Variants in C11orf16 observed in about 807,000 individuals in gnomAD.
The protein encoded by C11orf16 is uncharacterized protein C11orf16.
In C11orf16, 38 loss-of-function variants were observed where a neutral mutation model predicts 45.1. The ratio of observed to expected loss-of-function variants is 0.84; its 90% CI spans 0.65 to 1.10. The LOEUF (loss-of-function observed/expected upper bound fraction) is 1.10. Ranked by LOEUF, C11orf16 falls within the 50% of genes least tolerant of loss-of-function variation. The probability of loss-of-function intolerance (pLI) is 0.00; values close to 1 mark genes in which losing one functional copy is unlikely to be tolerated. For missense variants in C11orf16, 583 were observed against 569.5 expected (o/e 1.02, Z -0.24); for synonymous variants, 221 against 222.0 (o/e 1.00, Z 0.04).
chr11:8,925,833 G>T lies in C11orf16; in HGVS notation c.834C>A (p.Cys278Ter), dbSNP rs540029459. 1.2e-6 allele frequency: 2 copies of T among 1,614,218 alleles called. No homozygotes were observed. The highest frequency in any genetic ancestry group is 1.7e-5 in the Admixed American group (1 of 60,032). ...GCGGGCAGCCACAGAGGCAGCCCTG[G>T]CACAGTAGCTGGCAGCAGGCATGAT... ...CHHHACCQLL[C>*]QGCLCGCPPC... Residue 278 changes from cysteine (C) to a stop codon, truncating the protein, a stop_gained, in exon 5 of 7, where the codon TGC becomes TGA. Transcript: ENST00000326053. LOFTEE classifies it high-confidence loss of function.
chr11:8,924,389 G>T (rs1566111540), intron 5 of C11orf16, among the ~76,000 whole-genome samples: 1 of 152,114 alleles, frequency 6.6e-6, no homozygotes, highest in African/African-American at 2.4e-5. Context: ...AGCCAGGCAT[G>T]GTGGCATGCA....
chr11:8,922,171 C>T (rs2064579810), intron 5 of C11orf16, among the ~76,000 whole-genome samples: 1 of 152,144 alleles, frequency 6.6e-6, no homozygotes, highest in Non-Finnish European at 1.5e-5. Flanking sequence ...TCACTGATAA[C>T]ACAGACCACA....
chr11:8,931,806 A>C (rs534598246), intron 2 of C11orf16, among the ~76,000 whole-genome samples: 3 of 152,168 alleles, frequency 2.0e-5, no homozygotes, highest in Admixed American at 6.5e-5. Flanking sequence ...GATTGTATAC[A>C]GGTGTGAGCC....
chr11:8,929,179 G>A (rs929181499), intron 3 of C11orf16, 198 bp downstream of exon 3: 17 of 550,752 alleles, frequency 3.1e-5, no homozygotes, highest in African/African-American at 1.1e-4. Context: ...AAGCCACTCC[G>A]TTTGTTGCAC....
At chr11:8,930,358 G>A (rs1212527881) in intron 2 of C11orf16, among the ~76,000 whole-genome samples, 17 of 150,364 alleles carry the variant, frequency 1.1e-4, no homozygotes, top group South Asian at 4.2e-4. Context: ...CCCAGGAGGC[G>A]GAGGTTGCAG....
At position 8,932,257 on chromosome 11, in the gene C11orf16, C is replaced by T; in HGVS notation, c.52G>A (p.Ala18Thr). ...RMPLLKYCSV[A>T]TSLKAPGWDG... The stretch of plus-strand genomic sequence containing the variant: ...CAGCCAGGGGCCTTCAGGCTTGTGG[C>T]CACGCTGCAGTATTTGAGCAAAGGC... The change falls in exon 2 of 7, where the codon GCC (alanine) becomes ACC (threonine). Residue 18 changes from alanine (A) to threonine (T), a missense_variant. Coordinates refer to ENST00000326053, the MANE Select transcript of C11orf16 (RefSeq NM_020643.3). 1 of 1,611,344 alleles carries T rather than the reference C, an allele frequency of 6.2e-7. No homozygotes were observed. Among genetic ancestry groups the T allele is most frequent in the Non-Finnish European group, 8.5e-7 (1 of 1,178,992 alleles).
At chr11:8,931,604 G>C (rs1463126718) in intron 2 of C11orf16, among the ~76,000 whole-genome samples, 5 of 152,074 alleles carry the variant, frequency 3.3e-5, no homozygotes, top group Non-Finnish European at 5.9e-5. Flanking sequence ...TGGCCACGCT[G>C]GTCTCGAACT....
At chr11:8,927,196 GAATA>G in intron 3 of C11orf16, 22 bp from the exon 4 acceptor site, 2 of 1,586,688 alleles carry the variant, frequency 1.3e-6, no homozygotes, top group Non-Finnish European at 1.7e-6. Context: ...AAAACACTCA[GAATA>G]AGACCTGGCA....
chr11:8,924,036 G>A (rs536707244), intron 5 of C11orf16, among the ~76,000 whole-genome samples: 20 of 152,152 alleles, frequency 1.3e-4, no homozygotes, highest in Admixed American at 6.5e-4. Context: ...GAGAGTGGAG[G>A]AAGAGCACAG....
intron 2 of C11orf16, 54 bp downstream of exon 2, chr11:8,932,088 A>G: frequency 4.0e-6 from 6 of 1,484,722 alleles, no homozygotes; most frequent in Non-Finnish European, 5.4e-6. Flanking sequence ...ACAGCCAAGA[A>G]CAAAGGAAAA....
chr11:8,920,165 C>T lies in C11orf16; in HGVS notation c.*308G>A. 1 of 358,710 alleles carries T rather than the reference C, an allele frequency of 2.8e-6. No homozygotes were observed. Among genetic ancestry groups the T allele is most frequent in the Non-Finnish European group, 5.0e-6 (1 of 201,094 alleles). 22.2% of individuals were successfully genotyped at this position (358,710 alleles called of 1,614,324 possible). A position where few individuals can be genotyped will look rare whatever the true frequency, so the allele number is the denominator to read the frequency against. ...GGGAAGGTGGCAGAGTGGCTGTGGA[C>T]ACATTTGCCCAAAGCAGGCTGACCC... On this transcript the variant is annotated 3_prime_UTR_variant, in exon 7 of 7. Coordinates refer to ENST00000326053, the MANE Select transcript of C11orf16 (RefSeq NM_020643.3).
At chr11:8,927,944 G>A (rs1443546640) in intron 3 of C11orf16, among the ~76,000 whole-genome samples, 3 of 152,064 alleles carry the variant, frequency 2.0e-5, no homozygotes, top group African/African-American at 7.2e-5. Context: ...AGTTTCGCTC[G>A]TCACCCAGGC....
In C11orf16 at chr11:8,920,263, AC is replaced by A. The variant is rs1589930203; in HGVS notation, c.*209del. The A allele has an allele frequency of 5.2e-5, 22 of 424,318 alleles. No individual in the cohort carries two copies. In the East Asian group the frequency reaches 7.8e-4, roughly 15 times the overall value. 26.3% of individuals were successfully genotyped at this position (424,318 alleles called of 1,614,324 possible). The stretch of plus-strand genomic sequence containing the variant: ...GCAGGGAGCCCCAGGGCAGGATCCC[AC>A]ATTCCTATAGCCCTCACAACAGGTG... On this transcript the variant is annotated 3_prime_UTR_variant, in exon 7 of 7. Transcript: ENST00000326053.
At position 8,926,816 on chromosome 11, in the gene C11orf16, G is replaced by A. The variant is rs879538646; in HGVS notation, c.559+124C>T. 5.8e-6 allele frequency: 4 copies of A among 686,512 alleles called. No individual in the cohort carries two copies. In the African/African-American group the frequency reaches 7.2e-5, roughly 12 times the overall value. The allele number at this position is 686,512 out of a possible 1,614,324, so 42.5% of individuals were successfully genotyped here. A position where few individuals can be genotyped will look rare whatever the true frequency, so the allele number is the denominator to read the frequency against. ...TCAAGATTAAGCAGCAAGCAAGGGG[G>A]AAAAATTCTCTTCTTAATGCCTTAG... is the stretch of plus-strand genomic sequence containing the variant. On this transcript the variant is annotated intron_variant, in intron 4 of 6. Coordinates refer to ENST00000326053, the MANE Select transcript of C11orf16 (RefSeq NM_020643.3).
intron 3 of C11orf16, among the ~76,000 whole-genome samples, chr11:8,927,906 T>C (rs562526319): frequency 6.6e-6 from 1 of 152,184 alleles, no homozygotes; most frequent in Non-Finnish European, 1.5e-5. Flanking sequence ...TACTTGAAAA[T>C]TGACTTTTTT....
Position 8,925,679 on chromosome 11 carries a change from C to T in C11orf16, c.988G>A (p.Ala330Thr), listed in dbSNP as rs201086464. The T allele has an allele frequency of 2.6e-5, 42 of 1,614,256 alleles. No homozygotes were observed. Among genetic ancestry groups the T allele is most frequent in the African/African-American group, 1.3e-4 (10 of 75,070 alleles). Residue 330 changes from alanine (A) to threonine (T), a missense_variant, in exon 5 of 7, where the codon GCT (alanine) becomes ACT (threonine). Ala to Thr is a moderately conservative substitution (Grantham distance 58, BLOSUM62 0). Transcript: ENST00000326053. Reference sequence around the variant, plus strand: ...GAGGAGGAAGAAACAGCCAGGGGAGCGTGCATTGCTACTTTCTCCTCTTTA... The same window carrying T: ...GAGGAGGAAGAAACAGCCAGGGGAGTGTGCATTGCTACTTTCTCCTCTTTA... ...GPKEEKVAMH[A>T]PLAVSSSSSS...
chr11:8,924,448 C>T (rs1212545125), intron 5 of C11orf16, among the ~76,000 whole-genome samples: 1 of 152,104 alleles, frequency 6.6e-6, no homozygotes, highest in Admixed American at 6.5e-5. Context: ...ATCACTCGAA[C>T]CTGGGAGGCA....
Position 8,932,249 on chromosome 11 carries a change from G to A in C11orf16, c.60C>T (p.Ser20=), listed in dbSNP as rs2064654924. Residue 20 remains serine (S), a synonymous_variant, in exon 2 of 7, where the codon AGC becomes AGT. Coordinates refer to ENST00000326053, the MANE Select transcript of C11orf16 (RefSeq NM_020643.3). ...CACCGTCCCAGCCAGGGGCCTTCAG[G>A]CTTGTGGCCACGCTGCAGTATTTGA... ...PLLKYCSVAT[S]LKAPGWDGAA... 1.2e-6 allele frequency: 2 copies of A among 1,611,126 alleles called. No individual in the cohort carries two copies. The highest frequency in any genetic ancestry group is 2.7e-5 in the African/African-American group (2 of 75,010).
At chr11:8,926,701 T>G (rs541754018) in intron 4 of C11orf16, among the ~76,000 whole-genome samples, 1 of 152,230 alleles carries the variant, frequency 6.6e-6, no homozygotes, top group East Asian at 1.9e-4. Context: ...AACATAGATA[T>G]GAGAGTTTTA....
Sources: allele counts gnomAD v4.1 joint callset (sites outside exome capture counted in the v4.1 genomes callset), GRCh38; gene constraint gnomAD v4.1.1; transcripts MANE v1.5; gene names NCBI Gene and HGNC (gene_info 2026-07-23, HGNC 2026-07-21).